The following STAT4 variants were observed in gnomAD, a reference collection of about 807,000 sequenced individuals.
STAT4 encodes the protein signal transducer and activator of transcription 4.
STAT4 carries 42 observed loss-of-function variants against 110.5 expected under a neutral mutation model. The observed-to-expected ratio is 0.38, with a 90% CI of 0.30 to 0.49. The LOEUF is 0.49. Ranked by LOEUF, STAT4 falls within the 20% of genes least tolerant of loss-of-function variation. The probability of loss-of-function intolerance (pLI) is 0.95; values close to 1 mark genes in which losing one functional copy is unlikely to be tolerated. For missense variants in STAT4, 632 were observed against 887.9 expected (o/e 0.71, Z 3.66); for synonymous variants, 284 against 302.2 (o/e 0.94, Z 0.63).
chr2:191,124,252 G>A (rs1270025826), intron 3 of STAT4, among the ~76,000 whole-genome samples: 1 of 151,884 alleles, frequency 6.6e-6, no homozygotes. Flanking sequence ...GTCAAGAGAT[G>A]GAGACCATCC....
At chr2:191,145,802 G>A (rs568150795) in intron 3 of STAT4, among the ~76,000 whole-genome samples, 4 of 152,246 alleles carry the variant, frequency 2.6e-5, no homozygotes, top group South Asian at 2.1e-4. Flanking sequence ...TATTTAATAC[G>A]TTGTATGCAC....
chr2:191,041,788 C>T (rs1696205860), intron 14 of STAT4: 1 of 152,236 alleles, frequency 6.6e-6, no homozygotes, highest in Non-Finnish European at 1.5e-5. Context: ...AGACTGCAGA[C>T]CAGGATGTGC....
intron 3 of STAT4, among the ~76,000 whole-genome samples, chr2:191,133,698 G>A (rs111686985): frequency 0.037 from 5,660 of 151,452 alleles, 173 homozygotes; most frequent in Non-Finnish European, 0.062. Context: ...TCTATCTGAG[G>A]GAGAAAGACA....
intron 3 of STAT4, among the ~76,000 whole-genome samples, chr2:191,080,505 T>G (rs1182105428): frequency 2.0e-5 from 3 of 152,158 alleles, no homozygotes; most frequent in African/African-American, 7.2e-5. Flanking sequence ...TTTTGTAAGT[T>G]TTGATGCTGG....
In STAT4 at chr2:191,077,625, G is replaced by GA. The variant is rs756861938; in HGVS notation, c.274-1301dup. 1.8e-4 allele frequency among the ~76,000 whole-genome samples: 28 copies of GA among 152,088 alleles called. No homozygotes were observed. The highest frequency in any genetic ancestry group is 4.1e-4 in the Non-Finnish European group (28 of 68,000). ...ATATAAACTAGAAGATTTTTCTAGA[G>GA]AAAAAATAGGTTATCGGTTGTAAAC... On this transcript the variant is annotated intron_variant, in intron 3 of 23. Transcript: ENST00000392320. This position sits in a 1 kb window ranked among gnomAD's most constrained non-coding sequence, Gnocchi z 4.1.
rs750090759 is a variant in STAT4, at chr2:191,062,852, G to A, written c.851C>T (p.Thr284Ile). ...GGGATCACCTTCATATGTCATTTTG[G>A]TAGATTGCTCCTCTAGTTTCTCCAA... ...RQLEKLEEQS[T>I]KMTYEGDPIP... The change falls in exon 9 of 24, where the codon ACC (threonine) becomes ATC (isoleucine). Residue 284 changes from threonine (T) to isoleucine (I), a missense_variant. Physicochemically the swap from Thr to Ile is moderately conservative, Grantham distance 89. This residue lies in a region of STAT4 where 488 missense variants were observed against 632.8 expected (regional missense o/e 0.77). Coordinates refer to ENST00000392320, the MANE Select transcript of STAT4 (RefSeq NM_003151.4). This position sits in a 1 kb window ranked among gnomAD's most constrained non-coding sequence, Gnocchi z 4.9. 1 of 1,613,892 alleles carries A rather than the reference G, an allele frequency of 6.2e-7. No individual in the cohort carries two copies. Among genetic ancestry groups the A allele is most frequent in the Admixed American group, 1.7e-5 (1 of 59,998 alleles).
rs1258759573 is a variant in STAT4 at position 191,090,967 on chromosome 2, A to G, written c.274-14642T>C. 6.6e-6 allele frequency among the ~76,000 whole-genome samples: 1 copy of G among 152,166 alleles called. No homozygotes were observed. The highest frequency in any genetic ancestry group is 1.5e-5 in the Non-Finnish European group (1 of 68,020). On this transcript the variant is annotated intron_variant, in intron 3 of 23. Coordinates refer to ENST00000392320, the MANE Select transcript of STAT4 (RefSeq NM_003151.4). This position sits in a 1 kb window ranked among gnomAD's most constrained non-coding sequence, Gnocchi z 4.2. ...ATTTCCTGCAGAATGATCTATGTCT[A>G]CGAAGACTTAACCCTTCTAGACAAT...
intron 3 of STAT4, among the ~76,000 whole-genome samples, chr2:191,121,424 A>G (rs1310210013): frequency 6.6e-6 from 1 of 152,202 alleles, no homozygotes; most frequent in Non-Finnish European, 1.5e-5. Flanking sequence ...ATTACTGGGT[A>G]TATACCCAAA....
intron 3 of STAT4, among the ~76,000 whole-genome samples, chr2:191,081,814 A>G (rs1281962620): frequency 6.6e-6 from 1 of 152,168 alleles, no homozygotes; most frequent in Admixed American, 6.6e-5. Flanking sequence ...GGACTCCTTG[A>G]AGTTCCATTT....
At chr2:191,124,453 CAAAA>C (rs34438452) in intron 3 of STAT4, among the ~76,000 whole-genome samples, 1 of 71,224 alleles carries the variant, frequency 1.4e-5, no homozygotes, top group Non-Finnish European at 2.6e-5. Context: ...GACGCCGTCT[CAAAA>C]AAAAAAAAAA....
intron 4 of STAT4, 115 bp downstream of exon 4, chr2:191,076,112 C>T: frequency 1.2e-6 from 1 of 824,974 alleles, no homozygotes; most frequent in East Asian, 2.6e-5. Flanking sequence ...CCTTTGCCTC[C>T]CAAAGTGTTA....
rs977007684 is a variant in STAT4, at chr2:191,105,949, A to G, written c.274-29624T>C. Among the ~76,000 whole-genome samples the G allele has an allele frequency of 3.3e-5, 5 of 152,182 alleles. No individual in the cohort carries two copies. In the East Asian group the frequency reaches 9.6e-4, roughly 29 times the overall value. ...CATCAGCACAGGGGCCTTGTGGAGG[A>G]TCTGAGATTGTGGGTGCCTCACTGG... On this transcript the variant is annotated intron_variant, in intron 3 of 23. Coordinates refer to ENST00000392320, the MANE Select transcript of STAT4 (RefSeq NM_003151.4).
chr2:191,052,741 A>G (rs1696566465), intron 14 of STAT4, among the ~76,000 whole-genome samples: 1 of 152,200 alleles, frequency 6.6e-6, no homozygotes, highest in African/African-American at 2.4e-5. Context: ...AAATGTTGCA[A>G]CTCTAGCCAG....
intron 5 of STAT4, among the ~76,000 whole-genome samples, chr2:191,072,802 A>C (rs1460916011): frequency 6.6e-6 from 1 of 152,188 alleles, no homozygotes; most frequent in African/African-American, 2.4e-5. Flanking sequence ...ACTTTATGCC[A>C]ATAAAACAAC....
intron 14 of STAT4, among the ~76,000 whole-genome samples, chr2:191,049,095 TTC>T (rs986867609): frequency 1.9e-4 from 29 of 151,430 alleles, no homozygotes; most frequent in African/African-American, 5.3e-4. Flanking sequence ...CACCATAGTC[TTC>T]TCTGTCTCCT....
intron 3 of STAT4, among the ~76,000 whole-genome samples, chr2:191,127,187 G>T (rs1468185333): frequency 6.6e-6 from 1 of 151,992 alleles, no homozygotes; most frequent in Non-Finnish European, 1.5e-5. Flanking sequence ...GCAGACAAGG[G>T]GTGGGTCTTC....
In STAT4 at chr2:191,099,633, T is replaced by G. The variant is rs1698101627; in HGVS notation, c.274-23308A>C. On this transcript the variant is annotated intron_variant, in intron 3 of 23. Coordinates refer to ENST00000392320, the MANE Select transcript of STAT4 (RefSeq NM_003151.4). The surrounding 1 kb of genome is among the most constrained non-coding windows in gnomAD (Gnocchi z 4.1). Reference sequence around the variant, plus strand: ...TTCATAAACAACACACATGTACACATTATATTTTTAAAAATATCCACAAAT... The same window carrying G: ...TTCATAAACAACACACATGTACACAGTATATTTTTAAAAATATCCACAAAT... Among the ~76,000 whole-genome samples, 1 of 152,170 alleles carries G rather than the reference T, an allele frequency of 6.6e-6. No homozygotes were observed. Among genetic ancestry groups the G allele is most frequent in the Non-Finnish European group, 1.5e-5 (1 of 68,006 alleles).
chr2:191,095,508 T>C (rs1697944514), intron 3 of STAT4, among the ~76,000 whole-genome samples: 1 of 152,194 alleles, frequency 6.6e-6, no homozygotes, highest in Non-Finnish European at 1.5e-5. Context: ...TGCTCCTGAA[T>C]GGACACTGGG....
intron 3 of STAT4, among the ~76,000 whole-genome samples, chr2:191,111,724 T>C (rs1204277681): frequency 6.6e-6 from 1 of 152,050 alleles, no homozygotes; most frequent in East Asian, 1.9e-4. Flanking sequence ...TAACCAGGAA[T>C]GGTGGTGCTC....
Sources: gnomAD v4.1 joint callset for allele counts (sites outside exome capture counted in the v4.1 genomes callset) on GRCh38, gnomAD v4.1.1 for gene constraint, gnomAD v4.1.1 regional missense constraint, Gnocchi (gnomAD v3.1) non-coding constraint, MANE v1.5 for transcripts, NCBI Gene and HGNC (gene_info 2026-07-23, HGNC 2026-07-21) for gene names.